FHIT: variants seen among roughly 807,000 people sequenced by gnomAD.
FHIT encodes bis(5'-adenosyl)-triphosphatase.
In FHIT, 19 loss-of-function variants were observed where a neutral mutation model predicts 17.9. The observed-to-expected ratio is 1.06, with a 90% confidence interval of 0.74 to 1.56. The LOEUF is 1.56. Among genes scored for constraint, FHIT ranks in the 40% most tolerant of loss-of-function variants. The pLI is 0.00. For missense variants in FHIT, 248 were observed against 189.2 expected, an observed-to-expected ratio of 1.31 and a Z score of -1.82; for synonymous variants, 81 against 69.7, an observed-to-expected ratio of 1.16 and a Z score of -0.81.
chr3:60,093,852 G>T (rs1000628759), intron 5 of FHIT, among the ~76,000 whole-genome samples: 2 of 152,166 alleles, frequency 1.3e-5, no homozygotes, highest in African/African-American at 4.8e-5. Context: ...AAGGTCCCTG[G>T]TGTCCTAAAG....
intron 4 of FHIT, among the ~76,000 whole-genome samples, chr3:60,644,013 A>C (rs1274903969): frequency 6.6e-6 from 1 of 152,154 alleles, no homozygotes; most frequent in Non-Finnish European, 1.5e-5. Context: ...TACAACATAC[A>C]CTAACAGAGA....
intron 9 of FHIT, chr3:59,751,331 C>T (rs560516991): frequency 1.7e-5 from 3 of 181,264 alleles, no homozygotes; most frequent in Admixed American, 1.3e-4. Flanking sequence ...ACCTCTGCCT[C>T]CCAGGTTCAA....
chr3:60,423,793 C>T (rs1702562866), intron 5 of FHIT, among the ~76,000 whole-genome samples: 1 of 152,116 alleles, frequency 6.6e-6, no homozygotes, highest in Non-Finnish European at 1.5e-5. Context: ...CTTTTCAGGG[C>T]AGGATGAGGA....
At chr3:59,882,256 C>T (rs1486804122) in intron 8 of FHIT, among the ~76,000 whole-genome samples, 1 of 152,076 alleles carries the variant, frequency 6.6e-6, no homozygotes, top group Non-Finnish European at 1.5e-5. Context: ...AACATATTCA[C>T]ACTTTAACAT....
rs561651419 is a variant in FHIT at position 60,431,422 on chromosome 3, T to G, written c.103+105438A>C. Among the ~76,000 whole-genome samples, 25 of 152,198 alleles carry G rather than the reference T, an allele frequency of 1.6e-4. 1 individual carries two copies. The South Asian group carries it at 3.9e-3, about 24-fold the overall frequency. Reference sequence around the variant, plus strand: ...CGCTCACTCTTATCCGTAGAATCAATTCAGGATGCTTAGTGTAGCTGTCGC... The same window carrying G: ...CGCTCACTCTTATCCGTAGAATCAAGTCAGGATGCTTAGTGTAGCTGTCGC... On this transcript the variant is annotated intron_variant, in intron 5 of 9. Coordinates refer to ENST00000492590, the MANE Select transcript of FHIT (RefSeq NM_002012.4).
intron 5 of FHIT, among the ~76,000 whole-genome samples, chr3:60,051,651 A>G (rs1701885297): frequency 6.6e-6 from 1 of 152,184 alleles, no homozygotes. Context: ...TCTGTAGTGC[A>G]TTAATGATTC....
rs370877838 is a variant in FHIT at position 60,328,579 on chromosome 3, C to G, written c.103+208281G>C. Among the ~76,000 whole-genome samples, 25 of 152,232 alleles carry G rather than the reference C, an allele frequency of 1.6e-4. No individual in the cohort carries two copies. In the South Asian group the frequency reaches 4.6e-3, roughly 28 times the overall value. On this transcript the variant is annotated intron_variant, in intron 5 of 9. Coordinates refer to ENST00000492590, the MANE Select transcript of FHIT (RefSeq NM_002012.4). The stretch of plus-strand genomic sequence containing the variant: ...TGATTCAATTACCTCCCACCAGGTC[C>G]CTCTCACTACACCTGGGGATTATGG...
intron 5 of FHIT, among the ~76,000 whole-genome samples, chr3:60,485,657 G>C (rs547854521): frequency 6.6e-6 from 1 of 151,946 alleles, no homozygotes; most frequent in African/African-American, 2.4e-5. Context: ...TGTTGGGGGT[G>C]GGGGGCAAGG....
intron 5 of FHIT, among the ~76,000 whole-genome samples, chr3:60,475,269 T>TTAG (rs1472243659): frequency 6.6e-6 from 1 of 152,116 alleles, no homozygotes; most frequent in African/African-American, 2.4e-5. Flanking sequence ...AAAGCAAAGG[T>TTAG]TAGGGGAGTT....
intron 5 of FHIT, among the ~76,000 whole-genome samples, chr3:60,165,022 C>T (rs1021530586): frequency 1.3e-5 from 2 of 152,102 alleles, no homozygotes; most frequent in African/African-American, 2.4e-5. Flanking sequence ...ATTTCCTAGG[C>T]AGTTTAGATC....
intron 5 of FHIT, among the ~76,000 whole-genome samples, chr3:60,430,413 A>G (rs540018069): frequency 6.6e-6 from 1 of 152,092 alleles, no homozygotes; most frequent in East Asian, 1.9e-4. Context: ...AATTCTAAAT[A>G]TAGTACCTTT....
intron 7 of FHIT, among the ~76,000 whole-genome samples, chr3:59,961,787 T>A (rs1489999254): frequency 6.6e-6 from 1 of 152,160 alleles, no homozygotes; most frequent in Non-Finnish European, 1.5e-5. Flanking sequence ...GTACCTCAGT[T>A]GGAAATGCAG....
intron 8 of FHIT, among the ~76,000 whole-genome samples, chr3:59,769,958 G>A (rs985500087): frequency 6.6e-6 from 1 of 152,190 alleles, no homozygotes; most frequent in African/African-American, 2.4e-5. Flanking sequence ...ATGGTCAAAT[G>A]ACAGAATTGT....
chr3:60,565,303 G>A (rs917028416), intron 4 of FHIT, among the ~76,000 whole-genome samples: 2 of 152,058 alleles, frequency 1.3e-5, no homozygotes, highest in Non-Finnish European at 2.9e-5. Flanking sequence ...TTGAGGTATG[G>A]CTGTACCCCT....
intron 5 of FHIT, among the ~76,000 whole-genome samples, chr3:60,389,887 C>T (rs902731636): frequency 6.6e-6 from 1 of 152,184 alleles, no homozygotes; most frequent in African/African-American, 2.4e-5. Flanking sequence ...ATTTTTCCCT[C>T]TTACTGAAGT....
intron 5 of FHIT, among the ~76,000 whole-genome samples, chr3:60,525,470 T>A (rs1295907640): frequency 6.6e-6 from 1 of 152,164 alleles, no homozygotes; most frequent in East Asian, 1.9e-4. Flanking sequence ...TGTCATCTCT[T>A]TGTGTAAACA....
intron 5 of FHIT, among the ~76,000 whole-genome samples, chr3:60,516,631 C>T (rs536032538): frequency 6.6e-6 from 1 of 152,292 alleles, no homozygotes; most frequent in South Asian, 2.1e-4. Context: ...AATGGAGATA[C>T]CAACAGTACC....
chr3:59,945,613 G>A (rs544238996), intron 7 of FHIT, among the ~76,000 whole-genome samples: 13 of 151,204 alleles, frequency 8.6e-5, no homozygotes, highest in African/African-American at 2.7e-4. Flanking sequence ...TGTACAGAAT[G>A]GTATTTCCTA....
At chr3:60,088,703 T>C (rs1052150697) in intron 5 of FHIT, among the ~76,000 whole-genome samples, 1 of 152,208 alleles carries the variant, frequency 6.6e-6, no homozygotes, top group Non-Finnish European at 1.5e-5. Context: ...TTCCTTCTTA[T>C]TTACTTTCTA....
Sources: gnomAD v4.1 joint callset for allele counts (sites outside exome capture counted in the v4.1 genomes callset) on GRCh38, gnomAD v4.1.1 for gene constraint, MANE v1.5 for transcripts, NCBI Gene and HGNC (gene_info 2026-07-23, HGNC 2026-07-21) for gene names.